The following LHX4 variants were observed in gnomAD, a reference collection of about 807,000 sequenced individuals.
The protein encoded by LHX4 is LIM homeobox 4.
Under a neutral mutation model 39.2 loss-of-function variants are expected in LHX4, and 16 were observed. That is an observed-to-expected ratio of 0.41 (90% CI 0.28 to 0.62). LHX4 has a LOEUF of 0.62. Ranked by LOEUF, LHX4 falls within the 20% of genes least tolerant of loss-of-function variation. The probability of loss-of-function intolerance (pLI) is 0.33; values close to 1 mark genes in which losing one functional copy is unlikely to be tolerated. For missense variants in LHX4, 439 were observed against 511.9 expected (o/e 0.86, Z 1.37); for synonymous variants, 206 against 198.1 (o/e 1.04, Z -0.33).
In LHX4 at chr1:180,267,620, A is replaced by G. The variant is rs545894391; in HGVS notation, c.451+1026A>G. Among the ~76,000 whole-genome samples the G allele has an allele frequency of 1.1e-4, 17 of 152,342 alleles. 1 individual carries two copies. In the South Asian group the frequency reaches 3.5e-3, roughly 32 times the overall value. ...TAACCTCAGAGGTGTGAACGCACAA[A>G]ACATCAAGTTCCTTGGCCTTTGACT... On this transcript the variant is annotated intron_variant, in intron 3 of 5. Transcript: ENST00000263726.
chr1:180,263,779 C>A (rs1256521693), intron 2 of LHX4, among the ~76,000 whole-genome samples: 1 of 152,140 alleles, frequency 6.6e-6, no homozygotes, highest in Non-Finnish European at 1.5e-5. Context: ...GACTGAAAGC[C>A]CCCTGCCTGC....
intron 2 of LHX4, among the ~76,000 whole-genome samples, chr1:180,253,176 C>T (rs1647698084): frequency 6.6e-6 from 1 of 152,166 alleles, no homozygotes; most frequent in African/African-American, 2.4e-5. Context: ...AATGACTCCT[C>T]GTGTCGCATT....
At chr1:180,249,050 C>T (rs148914925) in intron 2 of LHX4, among the ~76,000 whole-genome samples, 2 of 152,340 alleles carry the variant, frequency 1.3e-5, no homozygotes, top group South Asian at 2.1e-4. Context: ...CAGGCTCTGC[C>T]TGTATTCGAA....
rs1664249170 is a variant in LHX4, at chr1:180,234,169, T to TTATATACATATATA, written c.76+3570_76+3571insCATATATATATATA. 5.6e-5 allele frequency among the ~76,000 whole-genome samples: 3 copies of TTATATACATATATA among 53,610 alleles called. No homozygotes were observed. The highest frequency in any genetic ancestry group is 1.1e-4 in the Non-Finnish European group (3 of 28,470). The allele number at this position is 53,610 out of a possible 152,430, so 35.2% of individuals were successfully genotyped here. Reference sequence around the variant, plus strand: ...AACAGACACACACAACACACACAAATTATATATATATATATATATATATAT... The same window carrying TTATATACATATATA: ...AACAGACACACACAACACACACAAATTATATACATATATATATATATATATATATATATATATAT... On this transcript the variant is annotated intron_variant, in intron 1 of 5. Coordinates refer to ENST00000263726, the MANE Select transcript of LHX4 (RefSeq NM_033343.4). This position sits in a 1 kb window ranked among gnomAD's most constrained non-coding sequence, Gnocchi z 4.8.
intron 2 of LHX4, among the ~76,000 whole-genome samples, chr1:180,253,820 G>A (rs357068): frequency 0.021 from 3,177 of 152,258 alleles, 98 homozygotes; most frequent in African/African-American, 0.07. Context: ...CGGGGCCTGC[G>A]CTGGCTTTCC....
At chr1:180,258,719 T>C (rs1055839368) in intron 2 of LHX4, among the ~76,000 whole-genome samples, 3 of 152,070 alleles carry the variant, frequency 2.0e-5, no homozygotes, top group African/African-American at 7.2e-5. Context: ...CGGGAGGATC[T>C]CTTGAGCCCA....
intron 1 of LHX4, among the ~76,000 whole-genome samples, chr1:180,238,165 A>C (rs1664368621): frequency 6.6e-6 from 1 of 152,234 alleles, no homozygotes; most frequent in African/African-American, 2.4e-5. Context: ...TAACATCGAA[A>C]TTATCTCCAG....
At position 180,249,553 on chromosome 1, in the gene LHX4, G is replaced by A. The variant is rs112829902; in HGVS notation, c.248+1097G>A. On this transcript the variant is annotated intron_variant, in intron 2 of 5. Transcript: ENST00000263726. ...GCTCGCCAAAGGCTGAACACACCCA[G>A]CCCAGATAACCAAGCCCCATAGAGG... Among the ~76,000 whole-genome samples the A allele has an allele frequency of 2.8e-3, 430 of 152,318 alleles. 3 individuals are homozygous for A. Among genetic ancestry groups the A allele is most frequent in the African/African-American group, 9.8e-3 (408 of 41,568 alleles).
intron 1 of LHX4, among the ~76,000 whole-genome samples, chr1:180,238,115 C>T (rs532267843): frequency 5.9e-5 from 9 of 152,340 alleles, no homozygotes; most frequent in Middle Eastern, 3.4e-3. Context: ...TGTTACTCGA[C>T]TCCTTATGTT....
At chr1:180,248,208 G>C in intron 1 of LHX4, 77 bp from the exon 2 acceptor site, 2 of 1,459,238 alleles carry the variant, frequency 1.4e-6, no homozygotes, top group Non-Finnish European at 1.9e-6. Flanking sequence ...AGAGTGGGAA[G>C]GCACCCGCCA....
intron 2 of LHX4, among the ~76,000 whole-genome samples, chr1:180,257,045 G>A (rs914528750): frequency 1.3e-5 from 2 of 152,252 alleles, no homozygotes; most frequent in African/African-American, 4.8e-5. Context: ...TGGTGGTCTG[G>A]ACTCTTCTAG....
chr1:180,243,143 C>G (rs1647231722), intron 1 of LHX4, among the ~76,000 whole-genome samples: 1 of 152,116 alleles, frequency 6.6e-6, no homozygotes, highest in Admixed American at 6.5e-5. Flanking sequence ...CATGCACCAC[C>G]ATGCCTGGCT....
At chr1:180,252,614 G>C (rs1373580792) in intron 2 of LHX4, among the ~76,000 whole-genome samples, 1 of 152,174 alleles carries the variant, frequency 6.6e-6, no homozygotes, top group African/African-American at 2.4e-5. Context: ...ACAAGGAAGA[G>C]GGCCACTGCT....
intron 5 of LHX4, chr1:180,273,968 A>G: frequency 3.4e-6 from 2 of 590,952 alleles, no homozygotes; most frequent in South Asian, 4.0e-5. Flanking sequence ...GGGACCTGGG[A>G]ATTTAGTCTT....
rs1330357659 is a variant in LHX4 at position 180,232,254 on chromosome 1, C to CT, written c.76+1650dup. ...CTAGTGTCCTTGGTACCCAGTACGT[C>CT]TGTGCTTTCATGGCTGTGGTCCGTA... is the stretch of plus-strand genomic sequence containing the variant. On this transcript the variant is annotated intron_variant, in intron 1 of 5. Transcript: ENST00000263726. The surrounding 1 kb of genome is among the most constrained non-coding windows in gnomAD (Gnocchi z 5.4). 6.6e-6 allele frequency among the ~76,000 whole-genome samples: 1 copy of CT among 152,192 alleles called. No individual in the cohort carries two copies. Among genetic ancestry groups the CT allele is most frequent in the African/African-American group, 2.4e-5 (1 of 41,436 alleles).
At chr1:180,255,324 G>A (rs532063495) in intron 2 of LHX4, among the ~76,000 whole-genome samples, 9 of 152,286 alleles carry the variant, frequency 5.9e-5, no homozygotes, top group East Asian at 1.9e-4. Flanking sequence ...ATGATCGTGC[G>A]TACACACACA....
intron 1 of LHX4, among the ~76,000 whole-genome samples, chr1:180,236,465 G>T (rs355630): frequency 0.023 from 3,521 of 152,336 alleles, 120 homozygotes; most frequent in African/African-American, 0.078. Context: ...AGAGACCCCA[G>T]TGCTGGGAGG....
rs1648898977 is a variant in LHX4, at chr1:180,274,424, A to ATCATTGC, written c.1019_1025dup (p.Ala344CysfsTer21). 1 of 1,614,084 alleles carries ATCATTGC rather than the reference A, an allele frequency of 6.2e-7. No homozygotes were observed. The highest frequency in any genetic ancestry group is 8.5e-7 in the Non-Finnish European group (1 of 1,180,052). On this transcript the variant is annotated frameshift_variant, in exon 6 of 6. Coordinates refer to ENST00000263726, the MANE Select transcript of LHX4 (RefSeq NM_033343.4). LOFTEE classifies it high-confidence loss of function. Reference sequence around the variant, plus strand: ...TTACACGGTGGACAGTAATTTGGGCATCATTGCGCATGCAGGGCAGGGAGT... The same window carrying ATCATTGC: ...TTACACGGTGGACAGTAATTTGGGCATCATTGCTCATTGCGCATGCAGGGCAGGGAGT...
intron 2 of LHX4, among the ~76,000 whole-genome samples, chr1:180,263,119 C>G (rs998796388): frequency 6.6e-6 from 1 of 152,176 alleles, no homozygotes; most frequent in Non-Finnish European, 1.5e-5. Flanking sequence ...CTTGGGAGCC[C>G]TCTTCCTTGG....
Sources: gnomAD v4.1 joint callset for allele counts (sites outside exome capture counted in the v4.1 genomes callset) on GRCh38, gnomAD v4.1.1 for gene constraint, Gnocchi (gnomAD v3.1) non-coding constraint, MANE v1.5 for transcripts, NCBI Gene and HGNC (gene_info 2026-07-23, HGNC 2026-07-21) for gene names.